The following FARS2 variants were observed in gnomAD, a reference collection of about 807,000 sequenced individuals.
FARS2 encodes the protein phenylalanyl-tRNA synthetase 2, mitochondrial, also known as phenylalanine--tRNA ligase, mitochondrial.
A neutral mutation model predicts 46.4 loss-of-function variants in FARS2; 40 were observed. The ratio of observed to expected loss-of-function variants is 0.86; its 90% confidence interval spans 0.67 to 1.12. The LOEUF (loss-of-function observed/expected upper bound fraction) is 1.12. FARS2 is among the 50% of genes most tolerant of loss of function. The pLI, the probability that FARS2 is intolerant of heterozygous loss-of-function variation, is 0.00. For missense variants in FARS2, 513 were observed against 567.9 expected (o/e 0.90, Z 0.98); for synonymous variants, 234 against 214.9 (o/e 1.09, Z -0.78).
intron 5 of FARS2, among the ~76,000 whole-genome samples, chr6:5,567,466 A>C (rs998120870): frequency 1.3e-5 from 2 of 152,220 alleles, no homozygotes; most frequent in Non-Finnish European, 2.9e-5. Flanking sequence ...ATTGTTAAGC[A>C]TGATGGTTGA....
intron 2 of FARS2, among the ~76,000 whole-genome samples, chr6:5,398,393 A>G (rs984956612): frequency 6.6e-6 from 1 of 152,174 alleles, no homozygotes; most frequent in Non-Finnish European, 1.5e-5. Context: ...ACCTATTACT[A>G]AAATGATTTA....
rs1363119615 is a variant in FARS2, at chr6:5,532,060, A to ATCGTTC, written c.905-13120_905-13119insTCGTTC. 7.2e-5 allele frequency among the ~76,000 whole-genome samples: 11 copies of ATCGTTC among 152,342 alleles called. No individual in the cohort carries two copies. In the East Asian group the frequency reaches 2.1e-3, roughly 29 times the overall value. ...AGCGTGAAAGTCATTTTGGAACGAT[A>ATCGTTC]AAACCCAACATTCAGAAGAGAAATC... On this transcript the variant is annotated intron_variant, in intron 4 of 6. Coordinates refer to ENST00000274680, the MANE Select transcript of FARS2 (RefSeq NM_006567.5).
intron 6 of FARS2, among the ~76,000 whole-genome samples, chr6:5,648,009 G>T (rs1446321981): frequency 6.6e-6 from 1 of 152,154 alleles, no homozygotes; most frequent in African/African-American, 2.4e-5. Context: ...CTGCATTCAG[G>T]TTCTTGTGAG....
chr6:5,525,857 A>G (rs1192327780), intron 4 of FARS2, among the ~76,000 whole-genome samples: 1 of 151,782 alleles, frequency 6.6e-6, no homozygotes, highest in East Asian at 1.9e-4. Context: ...TGGTGTAGAT[A>G]GTTGGTAAAA....
intron 6 of FARS2, among the ~76,000 whole-genome samples, chr6:5,677,791 G>A (rs913675549): frequency 6.6e-6 from 1 of 152,202 alleles, no homozygotes; most frequent in African/African-American, 2.4e-5. Flanking sequence ...GGGTTCACAT[G>A]TCTGTTTGCT....
At chr6:5,551,120 AG>A (rs1235959111) in intron 5 of FARS2, among the ~76,000 whole-genome samples, 1 of 152,260 alleles carries the variant, frequency 6.6e-6, no homozygotes, top group African/African-American at 2.4e-5. Context: ...GCAAGAATAA[AG>A]CAGGCTGCAT....
At chr6:5,506,906 G>A (rs1188076420) in intron 4 of FARS2, among the ~76,000 whole-genome samples, 4 of 152,232 alleles carry the variant, frequency 2.6e-5, no homozygotes, top group African/African-American at 9.6e-5. Flanking sequence ...GAGAGGCTAA[G>A]AGGCTAACCA....
At chr6:5,259,721 TAA>T (rs1204658409), upstream of FARS2, among the ~76,000 whole-genome samples, 1 of 151,934 alleles carries the variant, frequency 6.6e-6, no homozygotes, top group African/African-American at 2.4e-5. Flanking sequence ...AGGCTTGAGG[TAA>T]AGAGATGAGT....
At chr6:5,251,359 A>G in the FARS2 span, among the ~76,000 whole-genome samples, 1 of 152,178 alleles carries the variant, frequency 6.6e-6, no homozygotes, top group Non-Finnish European at 1.5e-5. Context: ...TCTCACATTG[A>G]CTGGCTAATT....
At chr6:5,489,389 G>A (rs1356769419) in intron 4 of FARS2, among the ~76,000 whole-genome samples, 2 of 152,326 alleles carry the variant, frequency 1.3e-5, no homozygotes, top group Non-Finnish European at 2.9e-5. Flanking sequence ...GGGAGGCAGA[G>A]GTTGCAGTGA....
chr6:5,463,949 G>A (rs17140507), intron 4 of FARS2, among the ~76,000 whole-genome samples: 4,741 of 152,206 alleles, frequency 0.031, 233 homozygotes, highest in African/African-American at 0.11. Flanking sequence ...TAATGTAGTC[G>A]TGCTAATAAC....
At chr6:5,740,861 C>G (rs551857840) in intron 6 of FARS2, among the ~76,000 whole-genome samples, 81 of 152,322 alleles carry the variant, frequency 5.3e-4, no homozygotes, top group African/African-American at 1.9e-3. Context: ...TAGACCAGTG[C>G]CTTTGAGAAG....
At chr6:5,284,755 T>C (rs1766991818) in intron 1 of FARS2, among the ~76,000 whole-genome samples, 1 of 152,180 alleles carries the variant, frequency 6.6e-6, no homozygotes, top group African/African-American at 2.4e-5. Context: ...TTCTCCCTCC[T>C]CTTCTGTGAT....
intron 4 of FARS2, among the ~76,000 whole-genome samples, chr6:5,441,345 C>A (rs565571889): frequency 1.1e-4 from 16 of 152,118 alleles, no homozygotes; most frequent in African/African-American, 3.9e-4. Flanking sequence ...TCTGTGTATC[C>A]CTCCCTGTCA....
chr6:5,506,935 C>G (rs772945909), intron 4 of FARS2, among the ~76,000 whole-genome samples: 7 of 152,178 alleles, frequency 4.6e-5, no homozygotes, highest in Non-Finnish European at 1.0e-4. Context: ...AAGACTGCCC[C>G]CTTTCCTGGA....
intron 1 of FARS2, among the ~76,000 whole-genome samples, chr6:5,282,884 A>T (rs79100909): frequency 6.6e-6 from 1 of 152,210 alleles, no homozygotes; most frequent in East Asian, 1.9e-4. Context: ...AGGCTGGCTG[A>T]ACAGCAGGGA....
At chr6:5,670,318 T>C (rs916400483) in intron 6 of FARS2, among the ~76,000 whole-genome samples, 2 of 152,194 alleles carry the variant, frequency 1.3e-5, no homozygotes, top group African/African-American at 2.4e-5. Context: ...GTACACCCCC[T>C]GATCATTGTG....
chr6:5,674,598 G>A (rs1016032209), intron 6 of FARS2, among the ~76,000 whole-genome samples: 13 of 152,318 alleles, frequency 8.5e-5, no homozygotes, highest in Non-Finnish European at 1.6e-4. Context: ...CAAAATGTTT[G>A]TGGTCATTCA....
chr6:5,606,988 T>C (rs1298723073), intron 5 of FARS2, among the ~76,000 whole-genome samples: 1 of 152,148 alleles, frequency 6.6e-6, no homozygotes, highest in East Asian at 1.9e-4. Context: ...CATCTTCCAG[T>C]GCTATTTGGT....
Sources: allele counts gnomAD v4.1 joint callset (sites outside exome capture counted in the v4.1 genomes callset), GRCh38; gene constraint gnomAD v4.1.1; transcripts MANE v1.5; gene names NCBI Gene and HGNC (gene_info 2026-07-23, HGNC 2026-07-21).